RIN3: variants seen among roughly 807,000 people sequenced by gnomAD.
RIN3 encodes the protein RAB5 interacting protein 3.
RIN3 carries 54 observed loss-of-function variants against 76.3 expected under a neutral mutation model. That is an observed-to-expected ratio of 0.71 (90% CI 0.57 to 0.89). The LOEUF (loss-of-function observed/expected upper bound fraction) is 0.89. Ranked by LOEUF, RIN3 falls within the 40% of genes least tolerant of loss-of-function variation. RIN3 has a pLI of 0.00. For missense variants in RIN3, 1,256 were observed against 1,322.1 expected, an observed-to-expected ratio of 0.95 and a Z score of 0.78; for synonymous variants, 576 against 564.0, an observed-to-expected ratio of 1.02 and a Z score of -0.30.
At chr14:92,683,292 C>A (rs1238469102) in intron 8 of RIN3, among the ~76,000 whole-genome samples, 1 of 152,154 alleles carries the variant, frequency 6.6e-6, no homozygotes. Flanking sequence ...CCCGAGAGAC[C>A]AGGGTTTCCA....
chr14:92,520,300 C>G (rs1381568295), intron 1 of RIN3, among the ~76,000 whole-genome samples: 2 of 152,086 alleles, frequency 1.3e-5, no homozygotes, highest in East Asian at 3.9e-4. Flanking sequence ...CCTTCTGGAA[C>G]TGAGAGAGCC....
At chr14:92,554,200 A>C (rs1356294628) in intron 1 of RIN3, among the ~76,000 whole-genome samples, 1 of 152,130 alleles carries the variant, frequency 6.6e-6, no homozygotes, top group Non-Finnish European at 1.5e-5. Flanking sequence ...CTTCTGGCCC[A>C]CCCAACTCAG....
At chr14:92,610,138 A>G (rs1251767746) in intron 3 of RIN3, among the ~76,000 whole-genome samples, 1 of 152,176 alleles carries the variant, frequency 6.6e-6, no homozygotes, top group African/African-American at 2.4e-5. Context: ...ACAGTCAGTT[A>G]AGAACATTTC....
At chr14:92,655,036 G>A (rs80010211) in intron 6 of RIN3, among the ~76,000 whole-genome samples, 6,705 of 152,036 alleles carry the variant, frequency 0.044, 304 homozygotes, top group East Asian at 0.2. Context: ...GTGGTGGCGC[G>A]CACCTGTAAT....
chr14:92,682,925 G>A (rs1444872215), intron 8 of RIN3, among the ~76,000 whole-genome samples: 1 of 152,180 alleles, frequency 6.6e-6, no homozygotes, highest in African/African-American at 2.4e-5. Context: ...CAGCTCTTTG[G>A]GAGGCCAAGG....
At chr14:92,522,754 A>G (rs1403570170) in intron 1 of RIN3, among the ~76,000 whole-genome samples, 1 of 152,046 alleles carries the variant, frequency 6.6e-6, no homozygotes, top group Non-Finnish European at 1.5e-5. Context: ...TGGCCCCTGA[A>G]TTTTTGCTGG....
intron 1 of RIN3, among the ~76,000 whole-genome samples, chr14:92,532,684 G>A (rs1896911458): frequency 6.6e-6 from 1 of 152,244 alleles, no homozygotes; most frequent in African/African-American, 2.4e-5. Context: ...AGGCAGGACA[G>A]AGGCGGGGGT....
At chr14:92,596,174 T>C (rs1885142942) in intron 3 of RIN3, among the ~76,000 whole-genome samples, 1 of 152,228 alleles carries the variant, frequency 6.6e-6, no homozygotes, top group Admixed American at 6.5e-5. Flanking sequence ...AATGTTCCTT[T>C]AATGTAGTTC....
chr14:92,618,015 A>T (rs1886036786), intron 4 of RIN3, among the ~76,000 whole-genome samples: 1 of 152,184 alleles, frequency 6.6e-6, no homozygotes, highest in South Asian at 2.1e-4. Context: ...GATATCTTTA[A>T]CCTGTGATGT....
Position 92,555,803 on chromosome 14 carries a change from C to A in RIN3, c.97C>A (p.Arg33=), listed in dbSNP as rs145543877. 2 of 1,614,142 alleles carry A rather than the reference C, an allele frequency of 1.2e-6. No individual in the cohort carries two copies. ...GGAAGAGGAAGAGGAAGATGGCATG[C>A]GGCTTTGTCTGCCAGCCAACCCGAA... is the stretch of plus-strand genomic sequence containing the variant. ...GEEEEEEDGM[R]LCLPANPKNC... Residue 33 remains arginine, a synonymous_variant, in exon 2 of 10, where the codon CGG becomes AGG. Coordinates refer to ENST00000216487, the MANE Select transcript of RIN3 (RefSeq NM_024832.5).
chr14:92,568,951 C>G lies in RIN3; in HGVS notation c.250-8409C>G, dbSNP rs1566846680. On this transcript the variant is annotated intron_variant, in intron 2 of 9. Coordinates refer to ENST00000216487, the MANE Select transcript of RIN3 (RefSeq NM_024832.5). This position sits in a 1 kb window ranked among gnomAD's most constrained non-coding sequence, Gnocchi z 4.2. ...GATGCTTCACCATGTGGTGGGGATG[C>G]CTGGCCCTAGTCCTGCTCTGGCAGT... Among the ~76,000 whole-genome samples, 1 of 152,230 alleles carries G rather than the reference C, an allele frequency of 6.6e-6. No homozygotes were observed. The highest frequency in any genetic ancestry group is 1.5e-5 in the Non-Finnish European group (1 of 68,042).
intron 8 of RIN3, among the ~76,000 whole-genome samples, chr14:92,678,180 A>G (rs1888536639): frequency 6.7e-6 from 1 of 148,406 alleles, no homozygotes; most frequent in Admixed American, 6.7e-5. Flanking sequence ...CCACCCACCC[A>G]TTCACCCATC....
intron 1 of RIN3, among the ~76,000 whole-genome samples, chr14:92,540,991 G>A (rs1186949404): frequency 3.3e-5 from 5 of 152,196 alleles, no homozygotes; most frequent in Non-Finnish European, 7.4e-5. Context: ...AACAGTCTAG[G>A]CAGCTGCTGT....
At chr14:92,560,869 A>C (rs1433603139) in intron 2 of RIN3, among the ~76,000 whole-genome samples, 1 of 150,176 alleles carries the variant, frequency 6.7e-6, no homozygotes, top group African/African-American at 2.5e-5. Context: ...AAATACAAAA[A>C]ATTAGCCAGG....
intron 1 of RIN3, among the ~76,000 whole-genome samples, chr14:92,529,728 T>C (rs1234319415): frequency 2.6e-5 from 4 of 152,228 alleles, no homozygotes; most frequent in Non-Finnish European, 4.4e-5. Flanking sequence ...CTCATTTTCA[T>C]GCTTTTTTTG....
In RIN3 at chr14:92,641,031, C is replaced by T. The variant is rs149486295; in HGVS notation, c.441-207C>T. 2.0e-5 allele frequency among the ~76,000 whole-genome samples: 3 copies of T among 152,298 alleles called. No homozygotes were observed. In the East Asian group the frequency reaches 5.8e-4, roughly 29 times the overall value. On this transcript the variant is annotated intron_variant, in intron 4 of 9. Coordinates refer to ENST00000216487, the MANE Select transcript of RIN3 (RefSeq NM_024832.5). ...CCGCCACTCCTGAGTAGGATCTCCA[C>T]CTCTCTGGGTCCCTGGTGCTGGCTC...
chr14:92,588,289 G>A (rs549581629), intron 3 of RIN3, among the ~76,000 whole-genome samples: 2 of 137,644 alleles, frequency 1.5e-5, no homozygotes, highest in East Asian at 4.4e-4. Context: ...GTGCAGTGGC[G>A]CGATCTCTGC....
Position 92,661,417 on chromosome 14 carries a change from G to A in RIN3, c.2335+1948G>A, listed in dbSNP as rs1183087382. ...TGTGGTAAACTGATTTGTGTCCTGCGACCATGTGTTAGAATTGTGCTCCCC... is the reference window on the plus strand; with the variant it reads ...TGTGGTAAACTGATTTGTGTCCTGCAACCATGTGTTAGAATTGTGCTCCCC... On this transcript the variant is annotated intron_variant, in intron 7 of 9. Coordinates refer to ENST00000216487, the MANE Select transcript of RIN3 (RefSeq NM_024832.5). 8.5e-5 allele frequency among the ~76,000 whole-genome samples: 13 copies of A among 152,090 alleles called. No individual in the cohort carries two copies. In the East Asian group the frequency reaches 2.1e-3, roughly 25 times the overall value.
At chr14:92,516,925 A>G (rs1488242400) in intron 1 of RIN3, among the ~76,000 whole-genome samples, 1 of 152,228 alleles carries the variant, frequency 6.6e-6, no homozygotes, top group East Asian at 1.9e-4. Flanking sequence ...AGAGAGAGGC[A>G]TGATATTTGA....
Sources: allele counts gnomAD v4.1 joint callset (sites outside exome capture counted in the v4.1 genomes callset), GRCh38; gene constraint gnomAD v4.1.1; non-coding constraint Gnocchi (gnomAD v3.1); transcripts MANE v1.5; gene names NCBI Gene and HGNC (gene_info 2026-07-23, HGNC 2026-07-21).